Variants in CADM2 observed in about 807,000 individuals in gnomAD.
CADM2 encodes the protein cell adhesion molecule 2.
In CADM2, 12 loss-of-function variants were observed where a neutral mutation model predicts 49.8. That is an observed-to-expected ratio of 0.24 (90% CI 0.15 to 0.39). CADM2 has a LOEUF of 0.39. CADM2 is among the 10% of genes least tolerant of loss of function. The probability of loss-of-function intolerance (pLI) is 1.00; values close to 1 mark genes in which losing one functional copy is unlikely to be tolerated. For synonymous variants in CADM2, 214 were observed against 175.4 expected (o/e 1.22, Z -1.74); for missense variants, 378 against 492.3 (o/e 0.77, Z 2.20).
intron 1 of CADM2, among the ~76,000 whole-genome samples, chr3:85,259,792 T>C (rs1293675469): frequency 1.3e-5 from 2 of 152,142 alleles, no homozygotes; most frequent in Non-Finnish European, 2.9e-5. Flanking sequence ...GTCTCAGTGC[T>C]ACATTATCAC....
At chr3:85,052,400 TAGGGTTTTATAC>T (rs1239911983) in intron 1 of CADM2, among the ~76,000 whole-genome samples, 1 of 152,010 alleles carries the variant, frequency 6.6e-6, no homozygotes. Context: ...CCCTGTACAA[TAGGGTTTTATAC>T]AGGAGTTTGA....
At chr3:85,212,854 CTT>C (rs1491520361) in intron 1 of CADM2, among the ~76,000 whole-genome samples, 4 of 122,490 alleles carry the variant, frequency 3.3e-5, no homozygotes, top group South Asian at 5.2e-4. Flanking sequence ...TTCTTTCTTT[CTT>C]TCTTTCTTTC....
At chr3:85,525,878 A>G (rs922868305) in intron 1 of CADM2, among the ~76,000 whole-genome samples, 2 of 152,078 alleles carry the variant, frequency 1.3e-5, no homozygotes, top group African/African-American at 4.8e-5. Context: ...ACTTTTAATT[A>G]ATATTATGCC....
At chr3:85,411,543 C>A (rs527718911) in intron 1 of CADM2, among the ~76,000 whole-genome samples, 1 of 152,228 alleles carries the variant, frequency 6.6e-6, no homozygotes, top group African/African-American at 2.4e-5. Context: ...ATTAAAATAT[C>A]TTTGATAAAA....
intron 1 of CADM2, among the ~76,000 whole-genome samples, chr3:85,609,019 A>AT (rs1423029794): frequency 1.3e-5 from 2 of 152,028 alleles, no homozygotes; most frequent in Admixed American, 6.6e-5. Flanking sequence ...TTCTACTTGA[A>AT]TTTTTTTGTT....
intron 1 of CADM2, among the ~76,000 whole-genome samples, chr3:85,063,720 TG>T (rs1373211722): frequency 6.6e-6 from 1 of 152,002 alleles, no homozygotes; most frequent in Non-Finnish European, 1.5e-5. Flanking sequence ...TATTTTGAAA[TG>T]GAGTAAAAAT....
chr3:85,197,720 T>C (rs2041378401), intron 1 of CADM2, among the ~76,000 whole-genome samples: 2 of 151,992 alleles, frequency 1.3e-5, no homozygotes, highest in Admixed American at 6.6e-5. Flanking sequence ...AGGAGAATTA[T>C]CTAACTCTGA....
At chr3:85,268,616 T>C (rs1441661855) in intron 1 of CADM2, among the ~76,000 whole-genome samples, 2 of 151,314 alleles carry the variant, frequency 1.3e-5, no homozygotes, top group Non-Finnish European at 3.0e-5. Context: ...TTAAAAATTG[T>C]AATGCAAACA....
intron 1 of CADM2, among the ~76,000 whole-genome samples, chr3:85,209,541 G>T (rs1414016277): frequency 6.6e-6 from 1 of 152,012 alleles, no homozygotes; most frequent in African/African-American, 2.4e-5. Flanking sequence ...ATTTTAAAAT[G>T]CATTGATATT....
At chr3:85,482,112 C>T (rs2107629072) in intron 1 of CADM2, among the ~76,000 whole-genome samples, 1 of 151,736 alleles carries the variant, frequency 6.6e-6, no homozygotes. Flanking sequence ...TACCGAAATT[C>T]AAAATTTGCC....
At chr3:85,299,071 T>A (rs2044033160) in intron 1 of CADM2, among the ~76,000 whole-genome samples, 1 of 152,086 alleles carries the variant, frequency 6.6e-6, no homozygotes, top group Non-Finnish European at 1.5e-5. Context: ...TATTTTAATT[T>A]TTAAAGATTC....
chr3:86,054,109 A>G (rs1317314643), intron 8 of CADM2, among the ~76,000 whole-genome samples: 1 of 152,020 alleles, frequency 6.6e-6, no homozygotes, highest in Non-Finnish European at 1.5e-5. Context: ...GTACATGAAA[A>G]AGCAATCAGA....
chr3:85,505,333 G>A (rs2040300735), intron 1 of CADM2, among the ~76,000 whole-genome samples: 1 of 152,186 alleles, frequency 6.6e-6, no homozygotes, highest in Non-Finnish European at 1.5e-5. Flanking sequence ...GTGCTCACAG[G>A]ATCACATTAC....
At chr3:85,774,231 T>G (rs1303618709) in intron 2 of CADM2, among the ~76,000 whole-genome samples, 1 of 151,856 alleles carries the variant, frequency 6.6e-6, no homozygotes, top group Non-Finnish European at 1.5e-5. Flanking sequence ...CTGGTTTAGA[T>G]GGACAGGAGA....
At chr3:85,645,465 C>T (rs1477479645) in intron 1 of CADM2, among the ~76,000 whole-genome samples, 1 of 151,948 alleles carries the variant, frequency 6.6e-6, no homozygotes, top group African/African-American at 2.4e-5. Flanking sequence ...TTTCCTCTCT[C>T]ACTTTGTTTT....
At chr3:85,002,029 C>G (rs2033489238) in intron 1 of CADM2, among the ~76,000 whole-genome samples, 1 of 151,944 alleles carries the variant, frequency 6.6e-6, no homozygotes, top group African/African-American at 2.4e-5. Flanking sequence ...TAGGTAAACC[C>G]ATATTTAAAA....
At chr3:86,034,404 C>T (rs1048582753) in intron 8 of CADM2, among the ~76,000 whole-genome samples, 1 of 151,966 alleles carries the variant, frequency 6.6e-6, no homozygotes, top group Non-Finnish European at 1.5e-5. Flanking sequence ...TATAAGTTCT[C>T]ACCTTCCACG....
intron 5 of CADM2, among the ~76,000 whole-genome samples, chr3:85,893,910 G>A (rs186908128): frequency 5.3e-5 from 8 of 152,164 alleles, no homozygotes; most frequent in African/African-American, 1.7e-4. Flanking sequence ...GACTGTAAAC[G>A]AATTCAACCG....
intron 8 of CADM2, among the ~76,000 whole-genome samples, chr3:85,970,011 A>G (rs1577818803): frequency 6.7e-6 from 1 of 148,798 alleles, no homozygotes; most frequent in East Asian, 2.0e-4. Flanking sequence ...ACACACACAC[A>G]CAAACAGCCT....
Sources: allele counts gnomAD v4.1 joint callset (sites outside exome capture counted in the v4.1 genomes callset), GRCh38; gene constraint gnomAD v4.1.1; transcripts MANE v1.5; gene names NCBI Gene and HGNC (gene_info 2026-07-23, HGNC 2026-07-21).